TIAM1: variants seen among roughly 807,000 people sequenced by gnomAD.
The protein encoded by TIAM1 is rho guanine nucleotide exchange factor TIAM1.
Under a neutral mutation model 163.5 loss-of-function variants are expected in TIAM1, and 65 were observed. That is an observed-to-expected ratio of 0.40 (90% CI 0.33 to 0.49). The LOEUF (loss-of-function observed/expected upper bound fraction) is 0.49, where lower values mean the gene tolerates loss of function less well. Ranked by LOEUF, TIAM1 falls within the 20% of genes least tolerant of loss-of-function variation. The pLI is 0.77. For missense variants in TIAM1, 1,789 were observed against 2,044.7 expected, an observed-to-expected ratio of 0.87 and a Z score of 2.41; for synonymous variants, 833 against 810.1, an observed-to-expected ratio of 1.03 and a Z score of -0.48.
chr21:31,340,600 A>G (rs1349798475), intron 1 of TIAM1, among the ~76,000 whole-genome samples: 1 of 152,174 alleles, frequency 6.6e-6, no homozygotes, highest in Admixed American at 6.5e-5. Flanking sequence ...CCTGGGCTCA[A>G]GCAACCCTCC....
In TIAM1 at chr21:31,343,477, AAGAC is replaced by A. The variant is rs369609171; in HGVS notation, c.-369+657_-369+660del. On this transcript the variant is annotated intron_variant, in intron 1 of 27. Transcript: ENST00000541036. ...CCAAAGGTAAGCTAGCTTTCACAGA[AAGAC>A]AGACATTTAAAAAAATGATCCAGAT... 2.1e-4 allele frequency among the ~76,000 whole-genome samples: 32 copies of A among 152,298 alleles called. No individual in the cohort carries two copies. The South Asian group carries it at 6.6e-3, about 32-fold the overall frequency.
At chr21:31,171,471 A>G (rs1174013002) in intron 15 of TIAM1, among the ~76,000 whole-genome samples, 2 of 152,250 alleles carry the variant, frequency 1.3e-5, no homozygotes, top group Non-Finnish European at 2.9e-5. Flanking sequence ...TCTAACTAAC[A>G]AAATGTTAAC....
intron 2 of TIAM1, among the ~76,000 whole-genome samples, chr21:31,370,601 C>T (rs1602115505): frequency 6.6e-6 from 1 of 152,018 alleles, no homozygotes; most frequent in African/African-American, 2.4e-5. Flanking sequence ...TATATACTAT[C>T]CTCTCAATGT....
intron 2 of TIAM1, among the ~76,000 whole-genome samples, chr21:31,377,493 T>G (rs751413410): frequency 2.6e-4 from 39 of 152,106 alleles, no homozygotes; most frequent in Non-Finnish European, 5.0e-4. Context: ...TTCAGTGGGA[T>G]CAGGACACTA....
intron 2 of TIAM1, among the ~76,000 whole-genome samples, chr21:31,390,725 T>C (rs996958202): frequency 1.3e-5 from 2 of 152,232 alleles, no homozygotes; most frequent in Non-Finnish European, 2.9e-5. Flanking sequence ...ATTTTGCTGT[T>C]TGATCGAGCC....
At chr21:31,195,114 A>T in intron 13 of TIAM1, 110 bp downstream of exon 13, 1 of 765,994 alleles carries the variant, frequency 1.3e-6, no homozygotes, top group Non-Finnish European at 2.1e-6. Flanking sequence ...AGCCAGATAT[A>T]CTATCTGTTT....
intron 11 of TIAM1, among the ~76,000 whole-genome samples, chr21:31,209,224 G>A (rs575832741): frequency 5.3e-5 from 8 of 152,284 alleles, no homozygotes; most frequent in Non-Finnish European, 1.0e-4. Context: ...CAAAGTCTCA[G>A]CTCTTTCTCA....
At chr21:31,169,695 A>T (rs2084412131) in intron 15 of TIAM1, among the ~76,000 whole-genome samples, 1 of 152,174 alleles carries the variant, frequency 6.6e-6, no homozygotes, top group South Asian at 2.1e-4. Flanking sequence ...AAAATGATAA[A>T]CAGCTGATAC....
intron 2 of TIAM1, among the ~76,000 whole-genome samples, chr21:31,285,475 C>T (rs1413333695): frequency 6.6e-6 from 1 of 152,234 alleles, no homozygotes; most frequent in Non-Finnish European, 1.5e-5. Flanking sequence ...ATCACTCCCC[C>T]CATGGACTTG....
intron 20 of TIAM1, among the ~76,000 whole-genome samples, chr21:31,142,670 A>AG (rs2082911621): frequency 2.6e-5 from 4 of 151,718 alleles, no homozygotes; most frequent in African/African-American, 9.7e-5. Context: ...AAAAAGAAAA[A>AG]GAAAAAAAAG....
At chr21:31,457,203 G>A (rs2045137413) in intron 2 of TIAM1, among the ~76,000 whole-genome samples, 1 of 152,170 alleles carries the variant, frequency 6.6e-6, no homozygotes, top group South Asian at 2.1e-4. Flanking sequence ...GGAGGAGGTA[G>A]AGAGCTCTGC....
At chr21:31,235,235 A>AAAT (rs1389687696) in intron 6 of TIAM1, among the ~76,000 whole-genome samples, 1 of 152,212 alleles carries the variant, frequency 6.6e-6, no homozygotes, top group African/African-American at 2.4e-5. Context: ...ATAACCAGGA[A>AAAT]AATAAGCAAT....
At chr21:31,510,483 A>G (rs1450213844) in intron 1 of TIAM1, among the ~76,000 whole-genome samples, 1 of 152,216 alleles carries the variant, frequency 6.6e-6, no homozygotes, top group Admixed American at 6.5e-5. Context: ...TGAAGTTTCA[A>G]CATAGGAAGT....
chr21:31,402,445 G>A (rs1157328406), intron 2 of TIAM1, among the ~76,000 whole-genome samples: 2 of 152,026 alleles, frequency 1.3e-5, no homozygotes, highest in African/African-American at 2.4e-5. Context: ...CACTATGGGG[G>A]CCTCTGAGAG....
At chr21:31,399,556 A>G (rs1282597214) in intron 2 of TIAM1, among the ~76,000 whole-genome samples, 3 of 152,164 alleles carry the variant, frequency 2.0e-5, no homozygotes, top group African/African-American at 7.2e-5. Context: ...AAAAGTTTCT[A>G]TTGCTCACAG....
chr21:31,182,538 C>A lies in TIAM1; in HGVS notation c.2770G>T (p.Val924Leu). ...FLSQPSLGLL[V>L]RTYPELEEGV... ...TCCTCCAGCTCGGGGTAGGTCCTCA[C>A]CAGGAGGCCCAGCGAGGGCTGTGAG... Residue 924 changes from valine to leucine, a missense_variant, in exon 15 of 28, where the codon GTG becomes TTG. Physicochemically the swap from Val to Leu is conservative, Grantham distance 32. This residue lies in a region of TIAM1 where 303 missense variants were observed against 321.3 expected (regional missense o/e 0.94). Transcript: ENST00000541036. 6.2e-7 allele frequency: 1 copy of A among 1,613,998 alleles called. No individual in the cohort carries two copies. The highest frequency in any genetic ancestry group is 8.5e-7 in the Non-Finnish European group (1 of 1,179,934).
rs986106448 is a variant in TIAM1, at chr21:31,119,411, C to T, written c.*957G>A. The T allele has an allele frequency of 2.6e-5, 4 of 152,312 alleles. No individual in the cohort carries two copies. The highest frequency in any genetic ancestry group is 9.7e-5 in the African/African-American group (4 of 41,402). The allele number at this position is 152,312 out of a possible 1,614,324, so 9.4% of individuals were successfully genotyped here. On this transcript the variant is annotated 3_prime_UTR_variant, in exon 28 of 28. Coordinates refer to ENST00000541036, the MANE Select transcript of TIAM1 (RefSeq NM_001353694.2). ...CATGTGCAACAGACACACACACCGC[C>T]CACCGGGGTGTCATGTTTAATCCAA...
At chr21:31,295,206 T>C (rs4816393) in intron 2 of TIAM1, among the ~76,000 whole-genome samples, 53,980 of 152,026 alleles carry the variant, frequency 0.36, 10,933 homozygotes, top group African/African-American at 0.54. Context: ...TGCGGTGGCT[T>C]ACGCCTGCAA....
intron 7 of TIAM1, among the ~76,000 whole-genome samples, chr21:31,225,509 A>C (rs560821879): frequency 6.6e-6 from 1 of 152,244 alleles, no homozygotes; most frequent in South Asian, 2.1e-4. Context: ...TCTGTCTTTC[A>C]TTCAATGTAA....
Sources: allele counts gnomAD v4.1 joint callset (sites outside exome capture counted in the v4.1 genomes callset), GRCh38; gene constraint gnomAD v4.1.1; regional missense constraint gnomAD v4.1.1; transcripts MANE v1.5; gene names NCBI Gene and HGNC (gene_info 2026-07-23, HGNC 2026-07-21).